VRK2: variants seen among roughly 807,000 people sequenced by gnomAD.
VRK2 encodes the protein VRK serine/threonine kinase 2, also known as serine/threonine-protein kinase VRK2.
VRK2 carries 60 observed loss-of-function variants against 57.6 expected under a neutral mutation model. The ratio of observed to expected loss-of-function variants is 1.04; its 90% CI spans 0.85 to 1.29. VRK2 has a LOEUF of 1.29. Ranked by LOEUF, VRK2 falls within the 50% of genes most tolerant of loss-of-function variation. VRK2 has a pLI of 0.00. For missense variants in VRK2, 705 were observed against 588.1 expected, an observed-to-expected ratio of 1.20 and a Z score of -2.06; for synonymous variants, 231 against 199.2, an observed-to-expected ratio of 1.16 and a Z score of -1.35.
At chr2:58,017,063 G>A (rs911473386) in intron 1 of VRK2, among the ~76,000 whole-genome samples, 3 of 152,082 alleles carry the variant, frequency 2.0e-5, no homozygotes, top group East Asian at 3.9e-4. Context: ...TATTAAATCT[G>A]GGAGTCCCAA....
At chr2:58,132,548 C>T (rs1251919303) in intron 9 of VRK2, among the ~76,000 whole-genome samples, 1 of 152,136 alleles carries the variant, frequency 6.6e-6, no homozygotes, top group Admixed American at 6.5e-5. Flanking sequence ...TTTTACAATT[C>T]TCTCACTGAT....
At chr2:58,053,036 A>G (rs537273634) in intron 2 of VRK2, among the ~76,000 whole-genome samples, 2 of 152,328 alleles carry the variant, frequency 1.3e-5, no homozygotes, top group African/African-American at 4.8e-5. Context: ...CAAGCACAGA[A>G]TAGATGTTCA....
chr2:57,997,301 A>AACATGT (rs1206500412), intron 1 of VRK2, among the ~76,000 whole-genome samples: 1 of 151,976 alleles, frequency 6.6e-6, no homozygotes, highest in East Asian at 1.9e-4. Context: ...GCTTCAGAAA[A>AACATGT]ACATGTAAAT....
upstream of VRK2, among the ~76,000 whole-genome samples, chr2:58,045,538 A>C (rs1237794802): frequency 6.6e-6 from 1 of 152,238 alleles, no homozygotes; most frequent in Non-Finnish European, 1.5e-5. Context: ...GAAAATAAGA[A>C]AGGACACTGT....
intron 1 of VRK2, among the ~76,000 whole-genome samples, chr2:58,002,036 G>A (rs747473921): frequency 1.3e-4 from 20 of 152,156 alleles, no homozygotes; most frequent in East Asian, 1.2e-3. Context: ...AATTCCTACC[G>A]TATTTCACAA....
At chr2:58,109,031 A>G (rs571030833) in intron 7 of VRK2, among the ~76,000 whole-genome samples, 24 of 152,334 alleles carry the variant, frequency 1.6e-4, no homozygotes, top group African/African-American at 5.8e-4. Flanking sequence ...TTTGATAAGT[A>G]TGCATTCATT....
rs80324821 is a variant in VRK2 at position 58,092,178 on chromosome 2, G to A, written c.543+2455G>A. Among the ~76,000 whole-genome samples the A allele has an allele frequency of 2.8e-3, 422 of 152,118 alleles. 3 individuals are homozygous for A. The highest frequency in any genetic ancestry group is 9.9e-3 in the African/African-American group (410 of 41,508). ...AAAAGTTCTCTCATTCCTGTTTAGAGTCAGTCCCCTTCTCCTGGCATTGCT... is the reference window on the plus strand; with the variant it reads ...AAAAGTTCTCTCATTCCTGTTTAGAATCAGTCCCCTTCTCCTGGCATTGCT... On this transcript the variant is annotated intron_variant, in intron 7 of 12. Transcript: ENST00000340157.
intron 12 of VRK2, among the ~76,000 whole-genome samples, chr2:58,149,454 C>T (rs528810407): frequency 6.6e-6 from 1 of 151,692 alleles, no homozygotes; most frequent in African/African-American, 2.4e-5. Context: ...ATTCTTAGGA[C>T]TTTCTACATA....
rs138554980 is a variant in VRK2, at chr2:58,025,197, T to A, written c.-438-468T>A. On this transcript the variant is annotated intron_variant, in intron 1 of 15. Transcript: ENST00000417641. ...TCCAAGATATGTGACCTTAGGCAGA[T>A]AACTAAACTGCTCAGATCCTCAGGC... Among the ~76,000 whole-genome samples, 315 of 152,278 alleles carry A rather than the reference T, an allele frequency of 2.1e-3. 1 individual carries two copies. Among genetic ancestry groups the A allele is most frequent in the Non-Finnish European group, 3.6e-3 (248 of 68,016 alleles).
intron 2 of VRK2, among the ~76,000 whole-genome samples, chr2:58,059,540 A>T (rs896452418): frequency 2.0e-5 from 3 of 151,954 alleles, no homozygotes; most frequent in African/African-American, 7.2e-5. Context: ...AACAGAAAAT[A>T]CTTAAGATAA....
At chr2:58,048,617 C>A in intron 1 of VRK2, 2 of 1,483,816 alleles carry the variant, frequency 1.3e-6, no homozygotes. Context: ...TTTAAAATAT[C>A]TATACCTCTT....
chr2:58,105,573 A>G (rs1674620800), intron 7 of VRK2, among the ~76,000 whole-genome samples: 1 of 151,826 alleles, frequency 6.6e-6, no homozygotes, highest in Admixed American at 6.6e-5. Flanking sequence ...AGATGCATAC[A>G]TGACCAAAGA....
intron 1 of VRK2, among the ~76,000 whole-genome samples, chr2:58,009,621 G>T (rs1275230094): frequency 6.6e-6 from 1 of 150,902 alleles, no homozygotes; most frequent in East Asian, 1.9e-4. Flanking sequence ...CCAATGACTT[G>T]ATTTTCTACA....
intron 1 of VRK2, among the ~76,000 whole-genome samples, chr2:57,922,937 T>A (rs116641760): frequency 0.04 from 6,056 of 152,138 alleles, 167 homozygotes; most frequent in South Asian, 0.11. Context: ...ATTGTTTTAA[T>A]TTTTAGTTTT....
intron 1 of VRK2, among the ~76,000 whole-genome samples, chr2:58,022,654 T>C (rs1673794627): frequency 6.6e-6 from 1 of 152,188 alleles, no homozygotes; most frequent in South Asian, 2.1e-4. Context: ...GGTGGGCAGA[T>C]CACTTGAGCA....
chr2:57,924,145 G>T (rs1161246775), intron 1 of VRK2, among the ~76,000 whole-genome samples: 1 of 152,038 alleles, frequency 6.6e-6, no homozygotes, highest in Non-Finnish European at 1.5e-5. Flanking sequence ...ATACTTTGAA[G>T]TCAGGTAATG....
intron 7 of VRK2, among the ~76,000 whole-genome samples, chr2:58,121,785 AG>A (rs948297271): frequency 1.3e-5 from 2 of 152,224 alleles, no homozygotes; most frequent in African/African-American, 4.8e-5. Flanking sequence ...TTAATTTTAA[AG>A]AAATGTGTAT....
intron 1 of VRK2, among the ~76,000 whole-genome samples, chr2:57,908,350 T>A (rs17049244): frequency 3.9e-5 from 6 of 152,090 alleles, no homozygotes; most frequent in Admixed American, 6.5e-5. Flanking sequence ...GACAAAATTC[T>A]GAAATTGGCA....
chr2:57,942,726 T>G (rs1671138960), intron 1 of VRK2, among the ~76,000 whole-genome samples: 1 of 152,208 alleles, frequency 6.6e-6, no homozygotes, highest in Non-Finnish European at 1.5e-5. Context: ...TGTCTAAATG[T>G]CCTGCTTCTG....
Sources: allele counts gnomAD v4.1 joint callset (sites outside exome capture counted in the v4.1 genomes callset), GRCh38; gene constraint gnomAD v4.1.1; transcripts MANE v1.5; gene names NCBI Gene and HGNC (gene_info 2026-07-23, HGNC 2026-07-21).